The following DDX31 variants were observed in gnomAD, a reference collection of about 807,000 sequenced individuals.
DDX31 encodes DEAD-box helicase 31, also known as ATP-dependent DNA helicase DDX31.
DDX31 carries 70 observed loss-of-function variants against 91.3 expected under a neutral mutation model. That is an observed-to-expected ratio of 0.77 (90% confidence interval 0.63 to 0.94). The LOEUF is 0.94. Among genes scored for constraint, DDX31 ranks in the 40% least tolerant of loss-of-function variants. The pLI, the probability that DDX31 is intolerant of heterozygous loss-of-function variation, is 0.00. For synonymous variants in DDX31, 362 were observed against 350.6 expected (o/e 1.03, Z -0.36); for missense variants, 902 against 925.0 (o/e 0.98, Z 0.32).
chr9:132,645,226 G>A (rs932820170), intron 13 of DDX31, among the ~76,000 whole-genome samples: 2 of 151,858 alleles, frequency 1.3e-5, no homozygotes, highest in Admixed American at 6.6e-5. Context: ...ATTCCACCCC[G>A]ACTCCATAAC....
chr9:132,642,917 C>T lies in DDX31; in HGVS notation c.1381-854G>A, dbSNP rs886197229. ...TCAGCTCACTATAACCTCCACCTCCCGGGCTCAAGTGATCCTCCCACCTTG... is the reference window on the plus strand; with the variant it reads ...TCAGCTCACTATAACCTCCACCTCCTGGGCTCAAGTGATCCTCCCACCTTG... On this transcript the variant is annotated intron_variant, in intron 13 of 19. Transcript: ENST00000372159. Among the ~76,000 whole-genome samples, 7 of 152,092 alleles carry T rather than the reference C, an allele frequency of 4.6e-5. 1 individual carries two copies. The highest frequency in any genetic ancestry group is 6.8e-3 in the Middle Eastern group (2 of 294).
In DDX31 at chr9:132,645,977, G is replaced by A. The variant is rs112468660; in HGVS notation, c.1298C>T (p.Ser433Leu). The change falls in exon 13 of 20, where the codon TCA (serine) becomes TTA (leucine). Residue 433 changes from serine to leucine, a missense_variant. Coordinates refer to ENST00000372159, the MANE Select transcript of DDX31 (RefSeq NM_022779.9). ...CAACTGCCCTGATGCCGGCGCCCCT[G>A]AGCTGCTCAGCAGGGTCTGTAGGAA... Reference protein sequence around the residue: ...SLFLQTLLSSSGAPASGQLPS... With the variant: ...SLFLQTLLSSLGAPASGQLPS... 1.9e-6 allele frequency: 3 copies of A among 1,614,086 alleles called. No homozygotes were observed. Among genetic ancestry groups the A allele is most frequent in the Admixed American group, 1.7e-5 (1 of 60,022 alleles).
chr9:132,618,325 C>T lies in DDX31; in HGVS notation c.1825+5G>A, dbSNP rs989345948. 1.2e-6 allele frequency: 2 copies of T among 1,606,918 alleles called. No individual in the cohort carries two copies. ...ACTGCGCAAGCACCTAGGAAATCGA[C>T]TGACCTTTCTTTGCCCAGGAGACCC... On this transcript the variant is annotated splice_donor_5th_base_variant and intron_variant, in intron 18 of 19. Coordinates refer to ENST00000372159, the MANE Select transcript of DDX31 (RefSeq NM_022779.9).
chr9:132,669,083 G>C (rs1389714878), intron 1 of DDX31, among the ~76,000 whole-genome samples: 2 of 152,134 alleles, frequency 1.3e-5, no homozygotes, highest in African/African-American at 4.8e-5. Context: ...TGGAGACCAA[G>C]GTTCTTTTCA....
chr9:132,604,457 A>C (rs1830897035), intron 19 of DDX31, among the ~76,000 whole-genome samples: 1 of 152,202 alleles, frequency 6.6e-6, no homozygotes. Flanking sequence ...CAGGTTCTAC[A>C]TAAAAAACTA....
chr9:132,639,218 C>G (rs1333151165), intron 14 of DDX31, among the ~76,000 whole-genome samples: 6 of 152,112 alleles, frequency 3.9e-5, no homozygotes, highest in Non-Finnish European at 7.4e-5. Flanking sequence ...CTAGAGCAAA[C>G]AAGCATGGCA....
Position 132,646,133 on chromosome 9 carries a change from A to G in DDX31, c.1204-62T>C, listed in dbSNP as rs941168458. 23 of 1,531,560 alleles carry G rather than the reference A, an allele frequency of 1.5e-5. No individual in the cohort carries two copies. In the African/African-American group the frequency reaches 2.2e-4, roughly 15 times the overall value. The allele number at this position is 1,531,560 out of a possible 1,614,324, so 94.9% of individuals were successfully genotyped here. On this transcript the variant is annotated intron_variant, in intron 12 of 19. Coordinates refer to ENST00000372159, the MANE Select transcript of DDX31 (RefSeq NM_022779.9). ...TTAAGATTAGGTGACGCCAAAACGAATATTTCTCTAAACTATACAGTCATG... is the reference window on the plus strand; with the variant it reads ...TTAAGATTAGGTGACGCCAAAACGAGTATTTCTCTAAACTATACAGTCATG...
chr9:132,630,908 C>G (rs1832678033), intron 15 of DDX31, among the ~76,000 whole-genome samples: 1 of 152,204 alleles, frequency 6.6e-6, no homozygotes, highest in Non-Finnish European at 1.5e-5. Flanking sequence ...CCACCAGGAG[C>G]AGGCCCCAGG....
chr9:132,657,747 G>A (rs1262016984), intron 6 of DDX31, among the ~76,000 whole-genome samples: 1 of 152,186 alleles, frequency 6.6e-6, no homozygotes, highest in East Asian at 1.9e-4. Context: ...TAACGAGGCT[G>A]TATTTGTAGG....
rs1328958771 is a variant in DDX31 at position 132,618,393 on chromosome 9, A to C, written c.1762T>G (p.Leu588Val). 6.2e-7 allele frequency: 1 copy of C among 1,612,268 alleles called. No homozygotes were observed. Among genetic ancestry groups the C allele is most frequent in the East Asian group, 2.2e-5 (1 of 44,824 alleles). The change falls in exon 18 of 20, where the codon TTG (leucine) becomes GTG (valine). Residue 588 changes from leucine to valine, a missense_variant. Leu to Val is a conservative substitution (Grantham distance 32). Coordinates refer to ENST00000372159, the MANE Select transcript of DDX31 (RefSeq NM_022779.9). The stretch of plus-strand genomic sequence containing the variant: ...ACGTAATCTTCAAATACCGTCTGCA[A>C]GACTGTGGCTCGCTCTCGGATTTCC... The part of the protein sequence containing the change: ...PQEIRERATV[L>V]QTVFEDYVHS...
At chr9:132,651,881 T>C (rs985464085) in intron 7 of DDX31, among the ~76,000 whole-genome samples, 1 of 152,212 alleles carries the variant, frequency 6.6e-6, no homozygotes, top group African/African-American at 2.4e-5. Flanking sequence ...GCAGGCTATA[T>C]GAAAAGCTGA....
intron 19 of DDX31, among the ~76,000 whole-genome samples, chr9:132,611,581 G>A (rs1444366206): frequency 6.6e-6 from 1 of 151,694 alleles, no homozygotes; most frequent in Non-Finnish European, 1.5e-5. Context: ...GGAGGAAAGG[G>A]CTCTTTTTGG....
At chr9:132,654,853 G>T (rs1834449262) in intron 6 of DDX31, among the ~76,000 whole-genome samples, 1 of 151,002 alleles carries the variant, frequency 6.6e-6, no homozygotes, top group South Asian at 2.1e-4. Flanking sequence ...GCCTGAGGCA[G>T]GAGAACTGCT....
At position 132,662,683 on chromosome 9, in the gene DDX31, T is replaced by C; in HGVS notation, c.88A>G (p.Thr30Ala). 1.2e-6 allele frequency: 2 copies of C among 1,614,148 alleles called. No homozygotes were observed. Among genetic ancestry groups the C allele is most frequent in the Non-Finnish European group, 1.7e-6 (2 of 1,180,032 alleles). Reference sequence around the variant, plus strand: ...CTGGACGCTTGGTATTTTCTTTTCGTAGCCTTTGCTTGCTGCGTTGTTCCC... The same window carrying C: ...CTGGACGCTTGGTATTTTCTTTTCGCAGCCTTTGCTTGCTGCGTTGTTCCC... ...PAQASRQAKATKRKYQASSEA... is the reference protein window; with the variant it reads ...PAQASRQAKAAKRKYQASSEA... The change falls in exon 2 of 20, where the codon ACG (threonine) becomes GCG (alanine). Residue 30 changes from threonine to alanine, a missense_variant. Thr to Ala is a moderately conservative substitution (Grantham distance 58, BLOSUM62 0). Transcript: ENST00000372159.
rs753602183 is a variant in DDX31 at position 132,652,454 on chromosome 9, CGTT to C, written c.624_626del (p.Thr209del). 1 of 1,614,014 alleles carries C rather than the reference CGTT, an allele frequency of 6.2e-7. No individual in the cohort carries two copies. The highest frequency in any genetic ancestry group is 2.2e-5 in the East Asian group (1 of 44,878). Reference sequence around the variant, plus strand: ...CAAAAGGGAGCCTGCTTACCTCTCTCGTTGGCACGAGCACCAGGGCATAGGGGC... The same window carrying C: ...CAAAAGGGAGCCTGCTTACCTCTCTCGGCACGAGCACCAGGGCATAGGGGC... On this transcript the variant is annotated inframe_deletion, in exon 7 of 20. Transcript: ENST00000372159.
At chr9:132,654,576 G>A (rs1266279384) in intron 6 of DDX31, among the ~76,000 whole-genome samples, 6 of 151,498 alleles carry the variant, frequency 4.0e-5, no homozygotes, top group East Asian at 2.0e-4. Context: ...TCGTGCCATC[G>A]CACTCCAGCC....
chr9:132,643,871 G>C (rs1833653701), intron 13 of DDX31, among the ~76,000 whole-genome samples: 1 of 151,630 alleles, frequency 6.6e-6, no homozygotes, highest in Admixed American at 6.6e-5. Flanking sequence ...GTTCATAAAA[G>C]CTTATGAAAC....
At chr9:132,638,839 T>C (rs1281297822) in intron 14 of DDX31, among the ~76,000 whole-genome samples, 2 of 152,212 alleles carry the variant, frequency 1.3e-5, no homozygotes, top group African/African-American at 4.8e-5. Context: ...AATTGTGAAC[T>C]TCTGTGTGAG....
chr9:132,633,367 CAA>C (rs1832912353), intron 14 of DDX31, among the ~76,000 whole-genome samples: 4 of 151,816 alleles, frequency 2.6e-5, no homozygotes, highest in African/African-American at 9.7e-5. Flanking sequence ...AAAGTCCACA[CAA>C]AAAAAGATAC....
Sources: allele counts gnomAD v4.1 joint callset (sites outside exome capture counted in the v4.1 genomes callset), GRCh38; gene constraint gnomAD v4.1.1; transcripts MANE v1.5; gene names NCBI Gene and HGNC (gene_info 2026-07-23, HGNC 2026-07-21).